Variants in HELLS observed in about 807,000 individuals in gnomAD.
HELLS encodes the protein lymphoid-specific helicase.
A neutral mutation model predicts 120.0 loss-of-function variants in HELLS; 32 were observed. The ratio of observed to expected loss-of-function variants is 0.27; its 90% CI spans 0.20 to 0.36. HELLS has a LOEUF of 0.36. Ranked by LOEUF, HELLS falls within the 10% of genes least tolerant of loss-of-function variation. The pLI is 1.00. For synonymous variants in HELLS, 341 were observed against 323.4 expected (o/e 1.05, Z -0.58); for missense variants, 650 against 993.4 (o/e 0.65, Z 4.65).
At chr10:94,551,802 C>T (rs891481488) in intron 2 of HELLS, among the ~76,000 whole-genome samples, 7 of 151,148 alleles carry the variant, frequency 4.6e-5, no homozygotes, top group South Asian at 2.1e-4. Context: ...TGCAGTGGCG[C>T]GATCTCGGCT....
chr10:94,584,066 T>A (rs1845003606), intron 12 of HELLS: 1 of 1,375,080 alleles, frequency 7.3e-7, no homozygotes. Context: ...CAGAAAAGAT[T>A]TATATGATAT....
intron 3 of HELLS, among the ~76,000 whole-genome samples, chr10:94,555,205 G>C: frequency 6.6e-6 from 1 of 152,182 alleles, no homozygotes; most frequent in East Asian, 1.9e-4. Context: ...GGGAGGCCAA[G>C]GCAGACAGAT....
At chr10:94,610,791 T>C (rs926286365) in exon 10 of HELLS, 1 of 152,242 alleles carries the variant, frequency 6.6e-6, no homozygotes, top group Non-Finnish European at 1.5e-5. Context: ...GGTTTCGCCA[T>C]GTTGGCCAGG....
chr10:94,599,576 C>A (rs1020305354), intron 21 of HELLS, among the ~76,000 whole-genome samples: 3 of 152,110 alleles, frequency 2.0e-5, no homozygotes, highest in African/African-American at 7.2e-5. Flanking sequence ...AAGCTGGTCT[C>A]ACACTCCTGG....
At chr10:94,594,662 C>T in intron 18 of HELLS, 33 bp from the exon 19 acceptor site, 2 of 1,529,028 alleles carry the variant, frequency 1.3e-6, no homozygotes, top group Non-Finnish European at 1.8e-6. Context: ...TAACCTAATA[C>T]CGTTAAATAT....
At chr10:94,587,645 C>T (rs1845235700) in intron 12 of HELLS, among the ~76,000 whole-genome samples, 1 of 152,178 alleles carries the variant, frequency 6.6e-6, no homozygotes, top group Non-Finnish European at 1.5e-5. Flanking sequence ...CCAGGCTGGT[C>T]TCAAACTCTT....
downstream of HELLS, among the ~76,000 whole-genome samples, chr10:94,604,147 AAC>A (rs1480601878): frequency 2.0e-5 from 3 of 147,578 alleles, no homozygotes; most frequent in African/African-American, 7.5e-5. Context: ...TTTTTTTATA[AAC>A]AGTTTCACTT....
intron 2 of HELLS, among the ~76,000 whole-genome samples, chr10:94,549,014 G>A (rs529638083): frequency 2.6e-5 from 4 of 151,738 alleles, no homozygotes; most frequent in East Asian, 1.9e-4. Flanking sequence ...GTATGTAGCC[G>A]TTTTCAATCT....
intron 19 of HELLS, among the ~76,000 whole-genome samples, chr10:94,595,783 T>A (rs1039075516): frequency 1.3e-5 from 2 of 152,226 alleles, no homozygotes; most frequent in African/African-American, 2.4e-5. Context: ...GAAAATCATT[T>A]ATGTAAATCA....
intron 4 of HELLS, among the ~76,000 whole-genome samples, chr10:94,561,074 A>C (rs1392267145): frequency 6.9e-6 from 1 of 145,804 alleles, no homozygotes; most frequent in Non-Finnish European, 1.5e-5. Context: ...AAACAAAAAA[A>C]CAAAAAAAAA....
chr10:94,552,542 CTTG>C (rs1843037880), intron 2 of HELLS, among the ~76,000 whole-genome samples: 2 of 152,124 alleles, frequency 1.3e-5, no homozygotes, highest in African/African-American at 2.4e-5. Flanking sequence ...GTCTTTAATA[CTTG>C]TTGTTTTCAG....
chr10:94,577,254 A>T (rs563595948), intron 10 of HELLS, among the ~76,000 whole-genome samples: 3 of 152,240 alleles, frequency 2.0e-5, no homozygotes, highest in Non-Finnish European at 4.4e-5. Flanking sequence ...TCCAGTTAGC[A>T]TAACAGAATT....
intron 10 of HELLS, among the ~76,000 whole-genome samples, chr10:94,579,946 T>A (rs2134073129): frequency 6.6e-6 from 1 of 151,940 alleles, no homozygotes; most frequent in Middle Eastern, 3.4e-3. Context: ...TTAAGTGAGC[T>A]TATATTATCA....
At chr10:94,567,914 T>TGG (rs1843911582) in intron 6 of HELLS, among the ~76,000 whole-genome samples, 2 of 147,420 alleles carry the variant, frequency 1.4e-5, no homozygotes, top group South Asian at 2.2e-4. Flanking sequence ...GGTTTTTTTT[T>TGG]TTTTTTTTTT....
chr10:94,568,591 G>C (rs1241186929), intron 6 of HELLS, among the ~76,000 whole-genome samples: 1 of 152,046 alleles, frequency 6.6e-6, no homozygotes, highest in Non-Finnish European at 1.5e-5. Context: ...ATTGTCAAGA[G>C]TACCAGATTG....
At chr10:94,548,594 ATTT>A (rs1028717950) in intron 2 of HELLS, among the ~76,000 whole-genome samples, 13 of 152,214 alleles carry the variant, frequency 8.5e-5, no homozygotes, top group African/African-American at 3.1e-4. Context: ...TTTTAATGAC[ATTT>A]TTAAGCTTAT....
chr10:94,573,277 A>G (rs1422083834), intron 7 of HELLS, among the ~76,000 whole-genome samples: 2 of 152,076 alleles, frequency 1.3e-5, no homozygotes, highest in Admixed American at 1.3e-4. Context: ...TCTTTTGTAA[A>G]GTATCTGTTA....
At chr10:94,547,664 G>C (rs1310904248) in intron 2 of HELLS, among the ~76,000 whole-genome samples, 1 of 152,044 alleles carries the variant, frequency 6.6e-6, no homozygotes, top group East Asian at 1.9e-4. Context: ...TTAATTACTA[G>C]TATAAACAAT....
intron 21 of HELLS, among the ~76,000 whole-genome samples, chr10:94,599,153 CTT>C (rs1276425219): frequency 6.6e-6 from 1 of 151,978 alleles, no homozygotes; most frequent in African/African-American, 2.4e-5. Flanking sequence ...TGAGTTTTAA[CTT>C]TGAAATAGTT....
Sources: gnomAD v4.1 joint callset for allele counts (sites outside exome capture counted in the v4.1 genomes callset) on GRCh38, gnomAD v4.1.1 for gene constraint, MANE v1.5 for transcripts, NCBI Gene and HGNC (gene_info 2026-07-23, HGNC 2026-07-21) for gene names.